CCSER1: variants seen among roughly 807,000 people sequenced by gnomAD.
The protein encoded by CCSER1 is serine-rich coiled-coil domain-containing protein 1.
In CCSER1, 41 loss-of-function variants were observed where a neutral mutation model predicts 82.0. The observed-to-expected ratio is 0.50, with a 90% CI of 0.39 to 0.65. The LOEUF (loss-of-function observed/expected upper bound fraction) is 0.65, where lower values mean the gene tolerates loss of function less well. Among genes scored for constraint, CCSER1 ranks in the 30% least tolerant of loss-of-function variants. CCSER1 has a pLI of 0.00. For synonymous variants in CCSER1, 414 were observed against 383.9 expected, an observed-to-expected ratio of 1.08 and a Z score of -0.92; for missense variants, 1,119 against 1,064.2, an observed-to-expected ratio of 1.05 and a Z score of -0.72.
intron 6 of CCSER1, among the ~76,000 whole-genome samples, chr4:90,670,442 AC>A (rs1403264050): frequency 6.6e-6 from 1 of 152,090 alleles, no homozygotes. Context: ...AAGGAGCATG[AC>A]TTTTACCATA....
chr4:91,154,199 C>G (rs906046406), intron 10 of CCSER1, among the ~76,000 whole-genome samples: 1 of 152,040 alleles, frequency 6.6e-6, no homozygotes, highest in African/African-American at 2.4e-5. Context: ...CCTACTCAAG[C>G]CTCAGGTATG....
chr4:91,374,211 AT>A (rs1750239469), intron 10 of CCSER1, among the ~76,000 whole-genome samples: 1 of 152,194 alleles, frequency 6.6e-6, no homozygotes, highest in African/African-American at 2.4e-5. Context: ...TTCAAATAGC[AT>A]ATTTACAATG....
intron 4 of CCSER1, among the ~76,000 whole-genome samples, chr4:90,425,338 C>T: frequency 6.6e-6 from 1 of 151,810 alleles, no homozygotes; most frequent in Non-Finnish European, 1.5e-5. Flanking sequence ...AAGAGAGAGA[C>T]AGAGAGTATT....
intron 9 of CCSER1, among the ~76,000 whole-genome samples, chr4:90,973,075 G>A (rs1374511333): frequency 2.0e-5 from 3 of 151,806 alleles, no homozygotes; most frequent in Non-Finnish European, 4.4e-5. Flanking sequence ...AAGAAATATA[G>A]AGGAATGCTG....
intron 10 of CCSER1, among the ~76,000 whole-genome samples, chr4:91,375,310 G>C (rs1388429565): frequency 6.6e-6 from 1 of 152,178 alleles, no homozygotes; most frequent in East Asian, 1.9e-4. Flanking sequence ...ACCATCTTGT[G>C]ATGGCACGAA....
Position 91,367,434 on chromosome 4 carries a change from C to CTT in CCSER1, c.2218-231125_2218-231124dup, listed in dbSNP as rs70965489. 1.5e-3 allele frequency among the ~76,000 whole-genome samples: 219 copies of CTT among 142,016 alleles called. 1 individual carries two copies. Among genetic ancestry groups the CTT allele is most frequent in the Middle Eastern group, 0.011 (3 of 268 alleles). The allele number at this position is 142,016 out of a possible 152,430, so 93.2% of individuals were successfully genotyped here. ...GAGGAAGGGCTTTCTTGATTTCTTT[C>CTT]TTTTTTTTTTTTTTAACACACAGAT... On this transcript the variant is annotated intron_variant, in intron 10 of 10. Coordinates refer to ENST00000509176, the MANE Select transcript of CCSER1 (RefSeq NM_001145065.2).
intron 10 of CCSER1, among the ~76,000 whole-genome samples, chr4:91,508,632 AAGGATTTATTCCTATTCTATT>A (rs1245733114): frequency 6.6e-6 from 1 of 150,942 alleles, no homozygotes; most frequent in Non-Finnish European, 1.5e-5. Context: ...ATCATTTTTG[AAGGATTTATTCCTATTCTATT>A]TTTTGAAAGA....
intron 10 of CCSER1, among the ~76,000 whole-genome samples, chr4:91,169,125 C>T (rs891994592): frequency 1.3e-5 from 2 of 149,946 alleles, no homozygotes; most frequent in African/African-American, 2.5e-5. Flanking sequence ...TATCTGCTGA[C>T]CTTGTCTCCA....
At chr4:90,882,275 T>C (rs1721445049) in intron 8 of CCSER1, among the ~76,000 whole-genome samples, 2 of 152,112 alleles carry the variant, frequency 1.3e-5, no homozygotes, top group Admixed American at 6.5e-5. Flanking sequence ...CGAAGGGACA[T>C]GAATGGATAC....
intron 9 of CCSER1, among the ~76,000 whole-genome samples, chr4:91,056,715 A>G (rs1351267612): frequency 1.3e-5 from 2 of 152,124 alleles, no homozygotes; most frequent in African/African-American, 4.8e-5. Context: ...TGGAAATCAG[A>G]TTAGGCTCCT....
intron 10 of CCSER1, among the ~76,000 whole-genome samples, chr4:91,190,993 T>C (rs889826502): frequency 6.6e-6 from 1 of 152,248 alleles, no homozygotes; most frequent in Non-Finnish European, 1.5e-5. Flanking sequence ...TTAATCAGAA[T>C]AATGTCTGAA....
chr4:90,447,894 A>G (rs1760879018), intron 4 of CCSER1, among the ~76,000 whole-genome samples: 1 of 152,190 alleles, frequency 6.6e-6, no homozygotes, highest in Middle Eastern at 3.2e-3. Context: ...TAATTTTTAA[A>G]TAATTGCTTT....
intron 5 of CCSER1, among the ~76,000 whole-genome samples, chr4:90,498,522 A>G (rs1313061989): frequency 6.6e-6 from 1 of 152,222 alleles, no homozygotes; most frequent in East Asian, 1.9e-4. Flanking sequence ...GAGTATCCTC[A>G]TGAAATCTGA....
chr4:90,138,117 G>A (rs1724028316), intron 1 of CCSER1, among the ~76,000 whole-genome samples: 1 of 152,164 alleles, frequency 6.6e-6, no homozygotes, highest in Non-Finnish European at 1.5e-5. Flanking sequence ...CTAAACCAGA[G>A]GTGTAAAGAT....
At chr4:90,552,583 A>T (rs1777650145) in intron 5 of CCSER1, among the ~76,000 whole-genome samples, 1 of 151,820 alleles carries the variant, frequency 6.6e-6, no homozygotes, top group Non-Finnish European at 1.5e-5. Context: ...TCAGCCTCCC[A>T]TGTAGCTGGG....
chr4:91,433,945 T>A (rs1754483942), intron 10 of CCSER1, among the ~76,000 whole-genome samples: 1 of 152,162 alleles, frequency 6.6e-6, no homozygotes. Context: ...AAGACACATG[T>A]TTAAGCAAAT....
chr4:91,471,094 G>T (rs1313005078), intron 10 of CCSER1, among the ~76,000 whole-genome samples: 1 of 152,014 alleles, frequency 6.6e-6, no homozygotes, highest in Non-Finnish European at 1.5e-5. Flanking sequence ...CAGTGCCATG[G>T]GCTAATCGTA....
chr4:90,807,608 C>T (rs1757686699), intron 7 of CCSER1, among the ~76,000 whole-genome samples: 1 of 150,530 alleles, frequency 6.6e-6, no homozygotes, highest in Non-Finnish European at 1.5e-5. Flanking sequence ...AAATAATGAC[C>T]ATGGTGAAAA....
chr4:90,968,601 G>A (rs1228878586), intron 9 of CCSER1, among the ~76,000 whole-genome samples: 1 of 152,098 alleles, frequency 6.6e-6, no homozygotes, highest in Non-Finnish European at 1.5e-5. Context: ...TTCCTCAAGA[G>A]GGAACAGGAG....
Sources: allele counts gnomAD v4.1 joint callset (sites outside exome capture counted in the v4.1 genomes callset), GRCh38; gene constraint gnomAD v4.1.1; transcripts MANE v1.5; gene names NCBI Gene and HGNC (gene_info 2026-07-23, HGNC 2026-07-21).